Variants in CRYBG1 observed in about 807,000 individuals in gnomAD.
CRYBG1 encodes the protein beta/gamma crystallin domain-containing protein 1.
Under a neutral mutation model 189.2 loss-of-function variants are expected in CRYBG1, and 139 were observed. The ratio of observed to expected loss-of-function variants is 0.73; its 90% confidence interval spans 0.64 to 0.85. The LOEUF (loss-of-function observed/expected upper bound fraction) is 0.85. CRYBG1 is among the 40% of genes least tolerant of loss of function. The pLI is 0.00. For missense variants in CRYBG1, 2,611 were observed against 2,675.8 expected, an observed-to-expected ratio of 0.98 and a Z score of 0.53; for synonymous variants, 1,023 against 1,017.1, an observed-to-expected ratio of 1.01 and a Z score of -0.11.
chr6:106,495,199 A>AGCTCTGGGAGAGAGCCGGCTCTG (rs1243256535), intron 2 of CRYBG1, among the ~76,000 whole-genome samples: 1 of 152,206 alleles, frequency 6.6e-6, no homozygotes, highest in Non-Finnish European at 1.5e-5. Flanking sequence ...TCTGTCATTC[A>AGCTCTGGGAGAGAGCCGGCTCTG]GCTCTGGGAG....
At chr6:106,544,994 T>C (rs1187944081) in intron 13 of CRYBG1, 61 bp downstream of exon 13, 1 of 1,428,746 alleles carries the variant, frequency 7.0e-7, no homozygotes, top group African/African-American at 1.4e-5. Context: ...TGTTTTAAAC[T>C]GGTAAGAGTC....
intron 1 of CRYBG1, among the ~76,000 whole-genome samples, chr6:106,413,834 G>A (rs2114376159): frequency 6.6e-6 from 1 of 152,274 alleles, no homozygotes; most frequent in Non-Finnish European, 1.5e-5. Context: ...TTGCCCTGCT[G>A]GGTAAAAGAA....
chr6:106,541,673 TATACAC>T, intron 10 of CRYBG1, 52 bp downstream of exon 10: 1 of 1,176,862 alleles, frequency 8.5e-7, no homozygotes, highest in Non-Finnish European at 1.2e-6. Context: ...TATTTAAACA[TATACAC>T]ATATATATGT....
At chr6:106,556,321 T>A (rs148946654) in intron 17 of CRYBG1, among the ~76,000 whole-genome samples, 1 of 152,354 alleles carries the variant, frequency 6.6e-6, no homozygotes, top group East Asian at 1.9e-4. Context: ...CAGTATGTCG[T>A]CATTGGGTTA....
intron 1 of CRYBG1, among the ~76,000 whole-genome samples, chr6:106,390,718 T>C (rs1386405333): frequency 6.6e-6 from 1 of 152,194 alleles, no homozygotes; most frequent in Non-Finnish European, 1.5e-5. Context: ...CAATATTATG[T>C]CCATGAGAGT....
intron 2 of CRYBG1, among the ~76,000 whole-genome samples, chr6:106,504,017 GTGACAGCATT>G: frequency 8.4e-6 from 1 of 118,738 alleles, no homozygotes; most frequent in Non-Finnish European, 1.6e-5. Flanking sequence ...TTGGCCTGAA[GTGACAGCATT>G]AGAAAAAAAA....
intron 3 of CRYBG1, among the ~76,000 whole-genome samples, chr6:106,517,449 CACACATATAT>C (rs1773464808): frequency 7.5e-6 from 1 of 132,778 alleles, no homozygotes; most frequent in Non-Finnish European, 1.5e-5. Context: ...CATATATATA[CACACATATAT>C]ATATACACAC....
rs1347885031 is a variant in CRYBG1, at chr6:106,483,378, G to GTGTGTGTATA, written c.313-28051_313-28050insGTGTGTATAT. Among the ~76,000 whole-genome samples the GTGTGTGTATA allele has an allele frequency of 1.8e-4, 21 of 113,804 alleles. 1 individual carries two copies. In the East Asian group the frequency reaches 2.0e-3, roughly 11 times the overall value. 74.7% of individuals were successfully genotyped at this position (113,804 alleles called of 152,430 possible). On this transcript the variant is annotated intron_variant, in intron 2 of 21. Transcript: ENST00000633556. ...CCATTGTGTGTGTGTGTGTGTGTGTGTATATATATATAGATATATATATAA... is the reference window on the plus strand; with the variant it reads ...CCATTGTGTGTGTGTGTGTGTGTGTGTGTGTGTATATATATATATATAGATATATATATAA...
chr6:106,560,042 T>G (rs910707542), intron 18 of CRYBG1, among the ~76,000 whole-genome samples: 6 of 152,140 alleles, frequency 3.9e-5, no homozygotes, highest in African/African-American at 1.4e-4. Context: ...TGCAGTGAGC[T>G]GTGATCGTGC....
intron 21 of CRYBG1, among the ~76,000 whole-genome samples, chr6:106,566,928 A>C (rs1467287068): frequency 6.6e-6 from 1 of 152,170 alleles, no homozygotes; most frequent in African/African-American, 2.4e-5. Flanking sequence ...TTTGGTAGAC[A>C]TTCATGTATT....
At chr6:106,411,016 TA>T (rs1282335424) in intron 1 of CRYBG1, among the ~76,000 whole-genome samples, 1 of 151,946 alleles carries the variant, frequency 6.6e-6, no homozygotes, top group African/African-American at 2.4e-5. Flanking sequence ...TATAATAATT[TA>T]AAAAAAGAGT....
At position 106,512,118 on chromosome 6, in the gene CRYBG1, A is replaced by G; in HGVS notation, c.1001A>G (p.Gln334Arg). 2 of 1,534,484 alleles carry G rather than the reference A, an allele frequency of 1.3e-6. No homozygotes were observed. The highest frequency in any genetic ancestry group is 2.4e-5 in the South Asian group (2 of 83,944). The change falls in exon 3 of 22, where the codon CAG (glutamine) becomes CGG (arginine). Residue 334 changes from glutamine to arginine, a missense_variant. By Grantham distance (43) the Gln-to-Arg change is conservative. Coordinates refer to ENST00000633556, the MANE Select transcript of CRYBG1 (RefSeq NM_001371242.2). ...GSLGPRNARS[Q>R]PPKGASDLPG... ...CTGGGGCCCCGCAACGCCCGCAGCC[A>G]GCCCCCCAAGGGCGCGTCTGATTTG... is the stretch of plus-strand genomic sequence containing the variant.
chr6:106,508,528 C>A (rs2114518755), intron 2 of CRYBG1, among the ~76,000 whole-genome samples: 1 of 152,290 alleles, frequency 6.6e-6, no homozygotes, highest in African/African-American at 2.4e-5. Context: ...GACCTACTTT[C>A]TATCATTATA....
intron 1 of CRYBG1, among the ~76,000 whole-genome samples, chr6:106,370,552 C>G (rs1296172235): frequency 6.6e-6 from 1 of 152,164 alleles, no homozygotes; most frequent in Non-Finnish European, 1.5e-5. Flanking sequence ...ACAGGTTCCA[C>G]CTTACATTGA....
At chr6:106,541,443 T>G in intron 9 of CRYBG1, 143 bp from the exon 10 acceptor site, 1 of 809,078 alleles carries the variant, frequency 1.2e-6, no homozygotes, top group Admixed American at 1.9e-5. Context: ...TGTTGGTAAT[T>G]TTAGAACTAT....
chr6:106,373,811 A>G (rs990910740), intron 1 of CRYBG1, among the ~76,000 whole-genome samples: 1 of 152,312 alleles, frequency 6.6e-6, no homozygotes, highest in Non-Finnish European at 1.5e-5. Flanking sequence ...TCATTTTCCA[A>G]AGTACAACTG....
At chr6:106,468,830 A>G (rs1320044948) in intron 2 of CRYBG1, among the ~76,000 whole-genome samples, 2 of 152,246 alleles carry the variant, frequency 1.3e-5, no homozygotes, top group Non-Finnish European at 2.9e-5. Context: ...AGAACCATCT[A>G]AAGACAAAAC....
intron 8 of CRYBG1, 21 bp from the exon 9 acceptor site, chr6:106,539,382 C>T: frequency 6.2e-7 from 1 of 1,610,544 alleles, no homozygotes; most frequent in Non-Finnish European, 8.5e-7. Flanking sequence ...CCCTTTCTTT[C>T]CTTCCATGGT....
At chr6:106,491,668 G>A (rs1772725737) in intron 2 of CRYBG1, among the ~76,000 whole-genome samples, 1 of 151,898 alleles carries the variant, frequency 6.6e-6, no homozygotes, top group Admixed American at 6.6e-5. Flanking sequence ...TTCCATATGT[G>A]GTGGTCACTT....
Sources: gnomAD v4.1 joint callset for allele counts (sites outside exome capture counted in the v4.1 genomes callset) on GRCh38, gnomAD v4.1.1 for gene constraint, MANE v1.5 for transcripts, NCBI Gene and HGNC (gene_info 2026-07-23, HGNC 2026-07-21) for gene names.